Variants in AGL observed in about 807,000 individuals in gnomAD.
AGL encodes glycogen debranching enzyme.
In AGL, 128 loss-of-function variants were observed where a neutral mutation model predicts 199.3. The ratio of observed to expected loss-of-function variants is 0.64; its 90% CI spans 0.56 to 0.74. The LOEUF (loss-of-function observed/expected upper bound fraction) is 0.74. Among genes scored for constraint, AGL ranks in the 30% least tolerant of loss-of-function variants. AGL has a pLI of 0.00. For missense variants in AGL, 1,809 were observed against 1,820.8 expected (o/e 0.99, Z 0.12); for synonymous variants, 584 against 594.7 (o/e 0.98, Z 0.26).
At chr1:99,899,286 A>G (rs1216260623) in intron 25 of AGL, among the ~76,000 whole-genome samples, 1 of 152,234 alleles carries the variant, frequency 6.6e-6, no homozygotes, top group Non-Finnish European at 1.5e-5. Context: ...GACATTTTAA[A>G]TAACATTTCC....
At chr1:99,854,060 G>A (rs1649203535) in intron 2 of AGL, among the ~76,000 whole-genome samples, 2 of 152,076 alleles carry the variant, frequency 1.3e-5, no homozygotes, top group South Asian at 4.1e-4. Context: ...CAGGCGTGGT[G>A]GCGCATGCCT....
chr1:99,884,807 G>A (rs929042513), intron 20 of AGL, 104 bp downstream of exon 20: 2 of 1,413,788 alleles, frequency 1.4e-6, no homozygotes, highest in Admixed American at 1.7e-5. Context: ...GCTACTCAAA[G>A]TACGGTCCAA....
chr1:99,880,683 A>G lies in AGL; in HGVS notation c.1787A>G (p.Tyr596Cys). The change falls in exon 14 of 34, where the codon TAT (tyrosine) becomes TGT (cysteine). Residue 596 changes from tyrosine to cysteine, a missense_variant. Transcript: ENST00000361915. ...GAAGAGGGCAGATTAGTTTACCGAT[A>G]TGGAGGAGAACCTGTTGGATCCTTT... ...SHEEGRLVYR[Y>C]GGEPVGSFVQ... 1 of 1,614,056 alleles carries G rather than the reference A, an allele frequency of 6.2e-7. No individual in the cohort carries two copies. Among genetic ancestry groups the G allele is most frequent in the Non-Finnish European group, 8.5e-7 (1 of 1,179,928 alleles).
Position 99,896,324 on chromosome 1 carries a change from G to A in AGL, c.3298G>A (p.Gly1100Arg). ...TTCTTCTGGTATTTTCCGCTGCTGG[G>A]GAAGGGATACTTTTATTGCACTTAG... is the stretch of plus-strand genomic sequence containing the variant. The part of the protein sequence containing the change: ...HFSSGIFRCW[G>R]RDTFIALRGI... Residue 1100 changes from glycine to arginine, a missense_variant, in exon 25 of 34, where the codon GGA becomes AGA. By Grantham distance (125) the Gly-to-Arg change is moderately radical. Transcript: ENST00000361915. The A allele has an allele frequency of 1.2e-6, 2 of 1,613,942 alleles. No homozygotes were observed. The highest frequency in any genetic ancestry group is 1.7e-6 in the Non-Finnish European group (2 of 1,179,964).
chr1:99,874,244 T>C (rs1651283370), intron 7 of AGL, among the ~76,000 whole-genome samples: 1 of 97,640 alleles, frequency 1.0e-5, no homozygotes, highest in Admixed American at 1.0e-4. Flanking sequence ...TCCACTAAAG[T>C]CCTTAAAGTG....
intron 14 of AGL, 112 bp downstream of exon 14, chr1:99,880,907 A>T: frequency 1.5e-6 from 2 of 1,361,128 alleles, no homozygotes; most frequent in Non-Finnish European, 1.0e-6. Flanking sequence ...TCTTAGATTT[A>T]TAACTGATTT....
At chr1:99,905,051 A>G (rs892487201) in intron 27 of AGL, among the ~76,000 whole-genome samples, 2 of 152,224 alleles carry the variant, frequency 1.3e-5, no homozygotes, top group Non-Finnish European at 2.9e-5. Context: ...GAAACTGCCA[A>G]ACTATTTTCC....
In AGL at chr1:99,912,437, G is replaced by A. The variant is rs1448952774; in HGVS notation, c.3869G>A (p.Ser1290Asn). Reference sequence around the variant, plus strand: ...TCTGCTGTGGAAATTGTGGGCCTGAGTAAATCTGCTGTTCGCTGGTTGCTG... The same window carrying A: ...TCTGCTGTGGAAATTGTGGGCCTGAATAAATCTGCTGTTCGCTGGTTGCTG... The part of the protein sequence containing the change: ...DGSAVEIVGL[S>N]KSAVRWLLEL... The change falls in exon 29 of 34, where the codon AGT becomes AAT. Residue 1290 changes from serine (S) to asparagine (N), a missense_variant. Physicochemically the swap from Ser to Asn is conservative, Grantham distance 46. Transcript: ENST00000361915. 3 of 1,614,038 alleles carry A rather than the reference G, an allele frequency of 1.9e-6. No homozygotes were observed. Among genetic ancestry groups the A allele is most frequent in the South Asian group, 2.2e-5 (2 of 91,082 alleles).
chr1:99,884,723 T>C lies in AGL; in HGVS notation c.2681+20T>C. The C allele has an allele frequency of 6.2e-7, 1 of 1,613,526 alleles. No homozygotes were observed. The highest frequency in any genetic ancestry group is 8.5e-7 in the Non-Finnish European group (1 of 1,179,670). ...TGCTTCGTAAGTATGCCTTGTTTGGTAGAGATTTGCCACCTTAATAAGTAA... is the reference window on the plus strand; with the variant it reads ...TGCTTCGTAAGTATGCCTTGTTTGGCAGAGATTTGCCACCTTAATAAGTAA... On this transcript the variant is annotated intron_variant, in intron 20 of 33. Coordinates refer to ENST00000361915, the MANE Select transcript of AGL (RefSeq NM_000642.3).
intron 2 of AGL, among the ~76,000 whole-genome samples, chr1:99,853,432 T>G (rs1035761560): frequency 6.6e-6 from 1 of 152,236 alleles, no homozygotes; most frequent in Non-Finnish European, 1.5e-5. Context: ...GTTTCAACTT[T>G]CAGCTAGAAT....
chr1:99,851,221 T>C (rs1049732612), intron 2 of AGL, 97 bp downstream of exon 2: 34 of 1,138,694 alleles, frequency 3.0e-5, no homozygotes, highest in Non-Finnish European at 4.5e-5. Context: ...AAGATAAATA[T>C]TATTTCCAAG....
At chr1:99,870,899 C>G in intron 7 of AGL, 30 bp downstream of exon 7, 1 of 1,323,580 alleles carries the variant, frequency 7.6e-7, no homozygotes. Context: ...ATGTTCCTAT[C>G]GATTTTAAGA....
intron 7 of AGL, among the ~76,000 whole-genome samples, 196 bp downstream of exon 7, chr1:99,871,065 AAC>A (rs1650960955): frequency 6.6e-6 from 1 of 152,234 alleles, no homozygotes. Context: ...AATAATACAT[AAC>A]ACAATTATTT....
At chr1:99,870,718 A>G (rs974277323) in intron 6 of AGL, 40 bp from the exon 7 acceptor site, 8 of 1,402,638 alleles carry the variant, frequency 5.7e-6, no homozygotes, top group South Asian at 1.2e-5. Flanking sequence ...TTAAATAAGT[A>G]TATGTATATA....
chr1:99,917,354 C>T (rs1274072823), intron 33 of AGL, among the ~76,000 whole-genome samples: 2 of 152,088 alleles, frequency 1.3e-5, no homozygotes, highest in African/African-American at 4.8e-5. Context: ...ACATAAGGGA[C>T]TTCTGCGTGT....
chr1:99,851,916 A>G (rs1013106986), intron 2 of AGL, among the ~76,000 whole-genome samples: 6 of 71,120 alleles, frequency 8.4e-5, no homozygotes, highest in African/African-American at 1.6e-4. Flanking sequence ...TTTCACACAT[A>G]CAATGTGATA....
At chr1:99,921,474 G>A in intron 33 of AGL, 60 bp from the exon 34 acceptor site, 1 of 1,211,276 alleles carries the variant, frequency 8.3e-7, no homozygotes, top group Non-Finnish European at 1.2e-6. Context: ...ACCAGGTCTT[G>A]CCTATTTTGT....
chr1:99,868,755 A>C (rs1229402674), intron 5 of AGL, among the ~76,000 whole-genome samples: 2 of 151,422 alleles, frequency 1.3e-5, no homozygotes. Context: ...GCACTCCTGC[A>C]CTCCTGGGTG....
At chr1:99,868,592 A>G (rs1650730254) in intron 5 of AGL, among the ~76,000 whole-genome samples, 1 of 152,094 alleles carries the variant, frequency 6.6e-6, no homozygotes, top group South Asian at 2.1e-4. Context: ...AGCCTGGGTG[A>G]CAAAGCAAGA....
Sources: gnomAD v4.1 joint callset for allele counts (sites outside exome capture counted in the v4.1 genomes callset) on GRCh38, gnomAD v4.1.1 for gene constraint, MANE v1.5 for transcripts, NCBI Gene and HGNC (gene_info 2026-07-23, HGNC 2026-07-21) for gene names.